Variants in TRMT1L observed in about 807,000 individuals in gnomAD.
The protein encoded by TRMT1L is tRNA methyltransferase 1L.
A neutral mutation model predicts 81.6 loss-of-function variants in TRMT1L; 28 were observed. That is an observed-to-expected ratio of 0.34 (90% CI 0.25 to 0.47). TRMT1L has a LOEUF of 0.47. Ranked by LOEUF, TRMT1L falls within the 20% of genes least tolerant of loss-of-function variation. TRMT1L has a pLI of 1.00. For synonymous variants in TRMT1L, 301 were observed against 303.2 expected (o/e 0.99, Z 0.07); for missense variants, 739 against 877.1 (o/e 0.84, Z 1.99).
At chr1:185,124,001 A>G (rs867692189) in intron 12 of TRMT1L, 82 bp from the exon 13 acceptor site, 8 of 774,930 alleles carry the variant, frequency 1.0e-5, no homozygotes, top group Middle Eastern at 3.7e-4. Flanking sequence ...AAAGTTTATG[A>G]AATTCCATCC....
At chr1:185,137,427 C>G in intron 10 of TRMT1L, 179 bp downstream of exon 10, 2 of 725,146 alleles carry the variant, frequency 2.8e-6, no homozygotes, top group South Asian at 3.0e-5. Context: ...GAGTAAATAA[C>G]TTTAATAAAC....
chr1:185,155,368 G>T (rs1156675995), intron 1 of TRMT1L, among the ~76,000 whole-genome samples: 1 of 152,146 alleles, frequency 6.6e-6, no homozygotes, highest in Non-Finnish European at 1.5e-5. Context: ...TGTAGTTGAA[G>T]AAACAACTGG....
chr1:185,156,544 G>A lies in TRMT1L; in HGVS notation c.169C>T (p.Pro57Ser), dbSNP rs1471166193. Residue 57 changes from proline (P) to serine (S), a missense_variant, in exon 1 of 15, where the codon CCT becomes TCT. Physicochemically the swap from Pro to Ser is moderately conservative, Grantham distance 74. Transcript: ENST00000367506. Reference sequence around the variant, plus strand: ...AGGGCCGGAGCCTGGGCCAGGGCAGGGGCTGGGGCTGGAGCCGAGGCCGGA... The same window carrying A: ...AGGGCCGGAGCCTGGGCCAGGGCAGAGGCTGGGGCTGGAGCCGAGGCCGGA... ...PTPASAPAPA[P>S]ALAQAPALSP... is the part of the protein sequence containing the mutation. The A allele has an allele frequency of 6.2e-7, 1 of 1,609,236 alleles. No homozygotes were observed. Among genetic ancestry groups the A allele is most frequent in the Non-Finnish European group, 8.5e-7 (1 of 1,178,014 alleles).
rs1652455505 is a variant in TRMT1L at position 185,119,913 on chromosome 1, T to C, written c.*106A>G. On this transcript the variant is annotated 3_prime_UTR_variant, in exon 15 of 15. Transcript: ENST00000367506. ...TTCTGAATGAAAATGACACTGTTTT[T>C]TATTTTTACTCTACTGAATTGAAAG... 1 of 1,278,396 alleles carries C rather than the reference T, an allele frequency of 7.8e-7. No homozygotes were observed. Among genetic ancestry groups the C allele is most frequent in the South Asian group, 2.0e-5 (1 of 48,870 alleles). 79.2% of individuals were successfully genotyped at this position (1,278,396 alleles called of 1,614,324 possible).
intron 7 of TRMT1L, among the ~76,000 whole-genome samples, chr1:185,141,755 G>A (rs1653051362): frequency 6.6e-6 from 1 of 152,000 alleles, no homozygotes; most frequent in Admixed American, 6.6e-5. Context: ...AAATAAATTT[G>A]GACAAGCAGG....
intron 3 of TRMT1L, among the ~76,000 whole-genome samples, chr1:185,147,621 T>C (rs1437607563): frequency 6.6e-6 from 1 of 152,158 alleles, no homozygotes; most frequent in African/African-American, 2.4e-5. Flanking sequence ...ATATTTGCCA[T>C]TATACAGACC....
At chr1:185,130,898 T>C (rs1412606898) in intron 10 of TRMT1L, among the ~76,000 whole-genome samples, 1 of 152,164 alleles carries the variant, frequency 6.6e-6, no homozygotes, top group Admixed American at 6.5e-5. Context: ...AATTTACCAA[T>C]CCAAGACAAA....
At chr1:185,131,297 G>A (rs1449799872) in intron 10 of TRMT1L, among the ~76,000 whole-genome samples, 1 of 152,186 alleles carries the variant, frequency 6.6e-6, no homozygotes. Context: ...TGGTTTATAA[G>A]CTCTGCCCCA....
chr1:185,137,404 T>C (rs1304993435), intron 10 of TRMT1L: 15 of 690,854 alleles, frequency 2.2e-5, no homozygotes, highest in Non-Finnish European at 3.7e-5. Context: ...AGAAAGCATA[T>C]ATTGTACAGC....
At position 185,124,936 on chromosome 1, in the gene TRMT1L, T is replaced by C. The variant is rs540888959; in HGVS notation, c.1759+8A>G. 6.2e-7 allele frequency: 1 copy of C among 1,607,748 alleles called. No individual in the cohort carries two copies. The highest frequency in any genetic ancestry group is 2.2e-5 in the East Asian group (1 of 44,704). On this transcript the variant is annotated splice_region_variant and intron_variant, in intron 12 of 14. Coordinates refer to ENST00000367506, the MANE Select transcript of TRMT1L (RefSeq NM_030934.5). ...TTAAAGCTAGTAAGCTAGCGTTCAGTTAGTCACCTTGCTTGTTGACATTTG... is the reference window on the plus strand; with the variant it reads ...TTAAAGCTAGTAAGCTAGCGTTCAGCTAGTCACCTTGCTTGTTGACATTTG...
Position 185,118,169 on chromosome 1 carries a change from T to C in TRMT1L, c.*1850A>G, listed in dbSNP as rs1652408355. The C allele has an allele frequency of 6.6e-6, 1 of 152,186 alleles. No homozygotes were observed. The highest frequency in any genetic ancestry group is 2.1e-4 in the South Asian group (1 of 4,834). The allele number at this position is 152,186 out of a possible 1,614,324, so 9.4% of individuals were successfully genotyped here. A position where few individuals can be genotyped will look rare whatever the true frequency, so the allele number is the denominator to read the frequency against. On this transcript the variant is annotated 3_prime_UTR_variant, in exon 15 of 15. Transcript: ENST00000367506. Reference sequence around the variant, plus strand: ...TTTACAACATGATAAACATTTGCAATGTCCCAAATTACTACTATTGTTACG... The same window carrying C: ...TTTACAACATGATAAACATTTGCAACGTCCCAAATTACTACTATTGTTACG...
chr1:185,149,198 T>C (rs556847549), intron 3 of TRMT1L, among the ~76,000 whole-genome samples: 2 of 152,290 alleles, frequency 1.3e-5, no homozygotes, highest in South Asian at 2.1e-4. Context: ...GTATATACCA[T>C]AATTTATTCA....
chr1:185,132,312 G>A (rs1360308101), intron 10 of TRMT1L, among the ~76,000 whole-genome samples: 1 of 151,978 alleles, frequency 6.6e-6, no homozygotes, highest in Non-Finnish European at 1.5e-5. Context: ...GAGGTCAGGA[G>A]TTCCAGACCA....
In TRMT1L at chr1:185,120,394, C is replaced by A. The variant is rs1360866088; in HGVS notation, c.1938G>T (p.Met646Ile). The change falls in exon 14 of 15, where the codon ATG becomes ATT. Residue 646 changes from methionine (M) to isoleucine (I), a missense_variant. Met to Ile is a conservative substitution (Grantham distance 10). Around this residue, in one of 4 missense-constraint regions of TRMT1L, gnomAD observed 196 missense variants for 232.6 expected, o/e 0.84. Coordinates refer to ENST00000367506, the MANE Select transcript of TRMT1L (RefSeq NM_030934.5). ...YNIHRHSIKG[M>I]NMPKLKKFLC... ...ACTGGGTGTCTTACTTTGGCATATTCATTCCTTTAATGCTGTGTCTGTGAA... is the reference window on the plus strand; with the variant it reads ...ACTGGGTGTCTTACTTTGGCATATTAATTCCTTTAATGCTGTGTCTGTGAA... 6.4e-7 allele frequency: 1 copy of A among 1,574,570 alleles called. No individual in the cohort carries two copies. The highest frequency in any genetic ancestry group is 8.6e-7 in the Non-Finnish European group (1 of 1,162,880).
At chr1:185,142,161 C>A (rs1302887223) in intron 7 of TRMT1L, among the ~76,000 whole-genome samples, 1 of 152,080 alleles carries the variant, frequency 6.6e-6, no homozygotes, top group East Asian at 1.9e-4. Context: ...TCACTTTTAC[C>A]ATATTTATAC....
Position 185,151,923 on chromosome 1 carries a change from G to C in TRMT1L, c.248C>G (p.Ser83Ter). Residue 83 changes from serine (S) to a stop codon, truncating the protein, a stop_gained, in exon 2 of 15, where the codon TCA (serine) becomes TGA (stop). Coordinates refer to ENST00000367506, the MANE Select transcript of TRMT1L (RefSeq NM_030934.5). LOFTEE classifies it high-confidence loss of function. Reference protein sequence around the residue: ...PEEAKSKRHISIQRQLADLEN... With the variant: ...PEEAKSKRHI ...TAGATCAGCAAGCTGCCTTTGAATTGAGATGTGTCTCTCTGAAAAAAAAAA... is the reference window on the plus strand; with the variant it reads ...TAGATCAGCAAGCTGCCTTTGAATTCAGATGTGTCTCTCTGAAAAAAAAAA... 6.3e-7 allele frequency: 1 copy of C among 1,585,366 alleles called. No individual in the cohort carries two copies. The highest frequency in any genetic ancestry group is 8.5e-7 in the Non-Finnish European group (1 of 1,170,784).
At chr1:185,143,851 G>A in intron 6 of TRMT1L, 55 bp downstream of exon 6, 1 of 1,463,832 alleles carries the variant, frequency 6.8e-7, no homozygotes. Context: ...GTTAAGAGAA[G>A]GTACACTTAT....
chr1:185,123,048 G>A (rs1571341410), intron 13 of TRMT1L, among the ~76,000 whole-genome samples: 1 of 152,136 alleles, frequency 6.6e-6, no homozygotes, highest in Non-Finnish European at 1.5e-5. Flanking sequence ...GAGAAATTAG[G>A]TAGAATGTAT....
Position 185,139,509 on chromosome 1 carries a change from T to A in TRMT1L, c.1180A>T (p.Ile394Leu). The A allele has an allele frequency of 6.2e-7, 1 of 1,614,126 alleles. No individual in the cohort carries two copies. Residue 394 changes from isoleucine (I) to leucine (L), a missense_variant, in exon 9 of 15, where the codon ATA becomes TTA. Physicochemically the swap from Ile to Leu is conservative, Grantham distance 5 (BLOSUM62 2). This residue lies in a region of TRMT1L where 331 missense variants were observed against 462.2 expected (regional missense o/e 0.72). Transcript: ENST00000367506. Reference sequence around the variant, plus strand: ...ATATCTGTAGAAGTCACTGACACTATGCCAAGGTTTCTTATATTTCTGAAT... The same window carrying A: ...ATATCTGTAGAAGTCACTGACACTAAGCCAAGGTTTCTTATATTTCTGAAT... ...SAFRNIRNLG[I>L]VSVTSTDISS...
Sources: allele counts gnomAD v4.1 joint callset (sites outside exome capture counted in the v4.1 genomes callset), GRCh38; gene constraint gnomAD v4.1.1; regional missense constraint gnomAD v4.1.1; transcripts MANE v1.5; gene names NCBI Gene and HGNC (gene_info 2026-07-23, HGNC 2026-07-21).